The following KCNH3 variants were observed in gnomAD, a reference collection of about 807,000 sequenced individuals.
KCNH3 encodes the protein potassium voltage-gated channel subfamily H member 3.
KCNH3 carries 36 observed loss-of-function variants against 95.6 expected under a neutral mutation model. The ratio of observed to expected loss-of-function variants is 0.38; its 90% CI spans 0.29 to 0.50. KCNH3 has a LOEUF of 0.50. Among genes scored for constraint, KCNH3 ranks in the 20% least tolerant of loss-of-function variants. The pLI is 0.95. For synonymous variants in KCNH3, 620 were observed against 646.3 expected (o/e 0.96, Z 0.62); for missense variants, 1,030 against 1,484.1 (o/e 0.69, Z 5.03).
chr12:49,550,724 C>T (rs1225028540), intron 10 of KCNH3, among the ~76,000 whole-genome samples: 1 of 152,128 alleles, frequency 6.6e-6, no homozygotes, highest in African/African-American at 2.4e-5. Context: ...CCCCCAGGAA[C>T]AGTGAGATGT....
intron 7 of KCNH3, 26 bp from the exon 8 acceptor site, chr12:49,548,869 C>A: frequency 6.5e-7 from 1 of 1,536,250 alleles, no homozygotes; most frequent in South Asian, 1.2e-5. Context: ...TTCCTGCCTG[C>A]TCAGGCCCTG....
Position 49,548,969 on chromosome 12 carries a change from A to T in KCNH3, c.1264A>T (p.Ser422Cys). 1 of 1,609,742 alleles carries T rather than the reference A, an allele frequency of 6.2e-7. No homozygotes were observed. The highest frequency in any genetic ancestry group is 8.5e-7 in the Non-Finnish European group (1 of 1,178,632). The stretch of plus-strand genomic sequence containing the variant: ...GGGCCGGAGGCCAGCTGGAGGGAAC[A>T]GCTCCGGCCAGAGTGACAACTGCAG... ...LVGRRPAGGN[S>C]SGQSDNCSSS... Residue 422 changes from serine (S) to cysteine (C), a missense_variant, in exon 8 of 15, where the codon AGC (serine) becomes TGC (cysteine). Ser to Cys is a moderately radical substitution (Grantham distance 112). Around this residue, in one of 9 missense-constraint regions of KCNH3, gnomAD observed 50 missense variants for 41.0 expected, o/e 1.22. Transcript: ENST00000257981.
At position 49,554,461 on chromosome 12, in the gene KCNH3, C is replaced by T; in HGVS notation, c.2043C>T (p.Ser681=). ...QCLQLAGLHD[S]LALYPEFAPR... ...TGCAGCTGGCTGGCCTGCACGACAG[C>T]CTTGCGCTGTACCCCGAGTTTGCCC... The change falls in exon 11 of 15, where the codon AGC becomes AGT. Residue 681 remains serine, a synonymous_variant. Coordinates refer to ENST00000257981, the MANE Select transcript of KCNH3 (RefSeq NM_012284.3). 1 of 1,613,546 alleles carries T rather than the reference C, an allele frequency of 6.2e-7. No homozygotes were observed. Among genetic ancestry groups the T allele is most frequent in the Non-Finnish European group, 8.5e-7 (1 of 1,180,042 alleles).
chr12:49,552,420 C>G (rs998001799), intron 10 of KCNH3, among the ~76,000 whole-genome samples: 1 of 152,216 alleles, frequency 6.6e-6, no homozygotes, highest in Non-Finnish European at 1.5e-5. Context: ...CTGTCACCTT[C>G]TATATGTTTT....
intron 9 of KCNH3, 43 bp from the exon 10 acceptor site, chr12:49,550,037 T>A: frequency 6.6e-7 from 1 of 1,526,714 alleles, no homozygotes. Context: ...CCTCCTCTTC[T>A]GCCACTCCCA....
At chr12:49,542,133 G>A (rs1937891821) in intron 3 of KCNH3, among the ~76,000 whole-genome samples, 1 of 152,254 alleles carries the variant, frequency 6.6e-6, no homozygotes, top group South Asian at 2.1e-4. Context: ...GGCAAAGCCT[G>A]CTTTTAAGTT....
intron 3 of KCNH3, among the ~76,000 whole-genome samples, chr12:49,542,455 T>C (rs1385645117): frequency 6.6e-6 from 1 of 152,236 alleles, no homozygotes; most frequent in African/African-American, 2.4e-5. Flanking sequence ...AGAGATCCTC[T>C]GGTCCAAACC....
intron 3 of KCNH3, 88 bp from the exon 4 acceptor site, chr12:49,542,618 G>T (rs1333407067): frequency 7.0e-7 from 1 of 1,429,564 alleles, no homozygotes; most frequent in African/African-American, 1.4e-5. Flanking sequence ...ACCAGTCCAT[G>T]GGCCAGCAAC....
At position 49,548,929 on chromosome 12, in the gene KCNH3, T is replaced by TC. The variant is rs1333585979; in HGVS notation, c.1227dup (p.Tyr410LeufsTer18). On this transcript the variant is annotated frameshift_variant, in exon 8 of 15. Transcript: ENST00000257981. LOFTEE classifies it high-confidence loss of function. ...AGGAGCTGGCCCGCCGACTGGAGAC[T>TC]CCCTACTACCTGGTGGGCCGGAGGC... is the stretch of plus-strand genomic sequence containing the variant. 6.3e-7 allele frequency: 1 copy of TC among 1,595,602 alleles called. No individual in the cohort carries two copies.
rs1435524890 is a variant in KCNH3, at chr12:49,539,851, G to A, written c.76+359G>A. On this transcript the variant is annotated intron_variant, in intron 1 of 14. Coordinates refer to ENST00000257981, the MANE Select transcript of KCNH3 (RefSeq NM_012284.3). The surrounding 1 kb of genome is among the most constrained non-coding windows in gnomAD (Gnocchi z 6.7). ...CCCTCGGACTGGTGGGGTAAGGCGAGGCGGGTGAACAGTGCTCAGGGACAG... is the reference window on the plus strand; with the variant it reads ...CCCTCGGACTGGTGGGGTAAGGCGAAGCGGGTGAACAGTGCTCAGGGACAG... Among the ~76,000 whole-genome samples the A allele has an allele frequency of 6.6e-6, 1 of 152,208 alleles. No homozygotes were observed. Among genetic ancestry groups the A allele is most frequent in the Non-Finnish European group, 1.5e-5 (1 of 68,032 alleles).
rs1209868699 is a variant in KCNH3, at chr12:49,550,465, T to C, written c.1918+136T>C. The C allele has an allele frequency of 6.2e-6, 7 of 1,135,032 alleles. No homozygotes were observed. The Admixed American group carries it at 1.0e-4, about 16-fold the overall frequency. The allele number at this position is 1,135,032 out of a possible 1,614,324, so 70.3% of individuals were successfully genotyped here. ...GCCAGGGTGGAGTCAGGAGTAGTTATGGAGTCCTGGTCAAAGCTCAGAGAA... is the reference window on the plus strand; with the variant it reads ...GCCAGGGTGGAGTCAGGAGTAGTTACGGAGTCCTGGTCAAAGCTCAGAGAA... On this transcript the variant is annotated intron_variant, in intron 10 of 14. Coordinates refer to ENST00000257981, the MANE Select transcript of KCNH3 (RefSeq NM_012284.3).
intron 13 of KCNH3, chr12:49,556,800 T>A (rs1413601047): frequency 1.5e-6 from 1 of 651,020 alleles, no homozygotes; most frequent in Non-Finnish European, 2.8e-6. Flanking sequence ...ACTGAAAGCC[T>A]TAGCCCAATC....
At chr12:49,544,144 C>CGG in intron 6 of KCNH3, 31 bp from the exon 7 acceptor site, 1 of 1,493,166 alleles carries the variant, frequency 6.7e-7, no homozygotes, top group Non-Finnish European at 9.2e-7. Flanking sequence ...GCTGACCTCC[C>CGG]TCCCTCCCTC....
chr12:49,541,805 G>T (rs186910541), intron 3 of KCNH3, 41 bp downstream of exon 3: 17 of 1,606,158 alleles, frequency 1.1e-5, no homozygotes, highest in African/African-American at 1.3e-5. Flanking sequence ...ATTGGGTGCC[G>T]CAGGCCCGGG....
Position 49,541,849 on chromosome 12 carries a change from C to T in KCNH3, c.445+85C>T, listed in dbSNP as rs1592497644. The T allele has an allele frequency of 4.2e-6, 6 of 1,417,880 alleles. No homozygotes were observed. In the East Asian group the frequency reaches 6.8e-5, roughly 16 times the overall value. 87.8% of individuals were successfully genotyped at this position (1,417,880 alleles called of 1,614,324 possible). A position where few individuals can be genotyped will look rare whatever the true frequency, so the allele number is the denominator to read the frequency against. On this transcript the variant is annotated intron_variant, in intron 3 of 14. Coordinates refer to ENST00000257981, the MANE Select transcript of KCNH3 (RefSeq NM_012284.3). Reference sequence around the variant, plus strand: ...TGGCACCCAGTCTGAGTACGGGGGTCCCCCATGCACCTGCATTCATTTCAC... The same window carrying T: ...TGGCACCCAGTCTGAGTACGGGGGTTCCCCATGCACCTGCATTCATTTCAC...
At chr12:49,556,238 C>T (rs1938437046) in intron 12 of KCNH3, 132 bp from the exon 13 acceptor site, 1 of 718,596 alleles carries the variant, frequency 1.4e-6, no homozygotes. Context: ...CCCATGTTAG[C>T]TTTCTCCTGG....
rs374612672 is a variant in KCNH3, at chr12:49,555,878, G to A, written c.2395G>A (p.Ala799Thr). 3.9e-5 allele frequency: 63 copies of A among 1,607,818 alleles called. No individual in the cohort carries two copies. Among genetic ancestry groups the A allele is most frequent in the African/African-American group, 4.0e-5 (3 of 74,830 alleles). ...TTTGAAGGCTGAGGCTGGCCCCTCT[G>A]CTCCCCCACGGGCCCTAGAGGGGCT... Reference protein sequence around the residue: ...GALKAEAGPSAPPRALEGLRL... With the variant: ...GALKAEAGPSTPPRALEGLRL... Residue 799 changes from alanine to threonine, a missense_variant, in exon 12 of 15, where the codon GCT (alanine) becomes ACT (threonine). This residue lies in a region of KCNH3 where 464 missense variants were observed against 493.2 expected (regional missense o/e 0.94). Transcript: ENST00000257981.
intron 10 of KCNH3, 75 bp from the exon 11 acceptor site, chr12:49,554,262 G>C: frequency 8.2e-7 from 1 of 1,225,418 alleles, no homozygotes. Flanking sequence ...GGGAATCTCA[G>C]CAACCTGCAG....
chr12:49,541,038 G>A lies in KCNH3; in HGVS notation c.216G>A (p.Gly72=), dbSNP rs753455353. The A allele has an allele frequency of 3.7e-6, 6 of 1,613,784 alleles. No individual in the cohort carries two copies. In the African/African-American group the frequency reaches 4.0e-5, roughly 11 times the overall value. ...QRGCACSFLY[G]PDTSELVRQQ... is the part of the protein sequence containing the mutation. ...GCTGTGCCTGCTCCTTCCTTTATGGGCCAGACACCAGTGAGCTCGTCCGCC... is the reference window on the plus strand; with the variant it reads ...GCTGTGCCTGCTCCTTCCTTTATGGACCAGACACCAGTGAGCTCGTCCGCC... Residue 72 remains glycine (G), a synonymous_variant, in exon 2 of 15, where the codon GGG becomes GGA. Transcript: ENST00000257981.
Sources: gnomAD v4.1 joint callset for allele counts (sites outside exome capture counted in the v4.1 genomes callset) on GRCh38, gnomAD v4.1.1 for gene constraint, gnomAD v4.1.1 regional missense constraint, Gnocchi (gnomAD v3.1) non-coding constraint, MANE v1.5 for transcripts, NCBI Gene and HGNC (gene_info 2026-07-23, HGNC 2026-07-21) for gene names.